The following CFAP65 variants were observed in gnomAD, a reference collection of about 807,000 sequenced individuals.
CFAP65 encodes the protein cilia and flagella associated protein 65, also known as cilia- and flagella-associated protein 65.
Under a neutral mutation model 208.0 loss-of-function variants are expected in CFAP65, and 155 were observed. The observed-to-expected ratio is 0.75, with a 90% CI of 0.65 to 0.85. The LOEUF is 0.85. Among genes scored for constraint, CFAP65 ranks in the 40% least tolerant of loss-of-function variants. The probability of loss-of-function intolerance (pLI) is 0.00; values close to 1 mark genes in which losing one functional copy is unlikely to be tolerated. For missense variants in CFAP65, 2,294 were observed against 2,451.3 expected (o/e 0.94, Z 1.36); for synonymous variants, 970 against 986.3 (o/e 0.98, Z 0.31).
intron 2 of CFAP65, among the ~76,000 whole-genome samples, 185 bp downstream of exon 2, chr2:219,040,334 C>T (rs1559170788): frequency 1.3e-5 from 2 of 152,286 alleles, no homozygotes; most frequent in African/African-American, 2.4e-5. Context: ...TTATCCCTCC[C>T]CCACCACCCA....
At chr2:219,022,055 T>TC in intron 17 of CFAP65, 116 bp downstream of exon 17, 3 of 1,499,872 alleles carry the variant, frequency 2.0e-6, no homozygotes, top group South Asian at 2.5e-5. Context: ...GGCAGAGGGC[T>TC]CCTATCCTCT....
rs1244389036 is a variant in CFAP65 at position 219,032,091 on chromosome 2, T to C, written c.645+379A>G. On this transcript the variant is annotated intron_variant, in intron 6 of 34. Coordinates refer to ENST00000341552, the MANE Select transcript of CFAP65 (RefSeq NM_194302.4). This position sits in a 1 kb window ranked among gnomAD's most constrained non-coding sequence, Gnocchi z 5.5. ...TGTGCCACCATGCCTGGTTAACTTT[T>C]GTATTTTTTAGTAGAGGTGGGGTTT... Among the ~76,000 whole-genome samples the C allele has an allele frequency of 2.6e-5, 4 of 152,058 alleles. No homozygotes were observed. The highest frequency in any genetic ancestry group is 9.7e-5 in the African/African-American group (4 of 41,406).
At chr2:219,008,779 C>T (rs1225686846) in intron 29 of CFAP65, among the ~76,000 whole-genome samples, 2 of 152,132 alleles carry the variant, frequency 1.3e-5, no homozygotes, top group Non-Finnish European at 2.9e-5. Flanking sequence ...TGCTTGTCTC[C>T]CCTAAATCTC....
chr2:219,027,443 C>T, intron 13 of CFAP65: 2 of 1,527,824 alleles, frequency 1.3e-6, no homozygotes, highest in South Asian at 1.2e-5. Flanking sequence ...GGGAGACTTA[C>T]ATAAGAATGA....
At chr2:219,007,188 T>C (rs1440271250) in intron 29 of CFAP65, among the ~76,000 whole-genome samples, 1 of 151,690 alleles carries the variant, frequency 6.6e-6, no homozygotes, top group Non-Finnish European at 1.5e-5. Context: ...CTTTGTTTTT[T>C]TTTTTGACAG....
Position 219,032,409 on chromosome 2 carries a change from C to A in CFAP65, c.645+61G>T. Reference sequence around the variant, plus strand: ...GCTCCTGGTTGCTCTGTCCTGTTTTCTGTTCTGAGGTCACTGCTCCCAGGT... The same window carrying A: ...GCTCCTGGTTGCTCTGTCCTGTTTTATGTTCTGAGGTCACTGCTCCCAGGT... On this transcript the variant is annotated intron_variant, in intron 6 of 34. Coordinates refer to ENST00000341552, the MANE Select transcript of CFAP65 (RefSeq NM_194302.4). The surrounding 1 kb of genome is among the most constrained non-coding windows in gnomAD (Gnocchi z 5.5). 1 of 1,452,608 alleles carries A rather than the reference C, an allele frequency of 6.9e-7. No individual in the cohort carries two copies. The allele number at this position is 1,452,608 out of a possible 1,614,324, so 90.0% of individuals were successfully genotyped here.
rs141089976 is a variant in CFAP65, at chr2:219,029,395, C to A, written c.1650+8G>T. On this transcript the variant is annotated splice_region_variant and intron_variant, in intron 11 of 34. Coordinates refer to ENST00000341552, the MANE Select transcript of CFAP65 (RefSeq NM_194302.4). ...CTCCCTCAGCCTCATGCCCTCCCCA[C>A]GACTCACCTGGTGGTGGATGAGACA... is the stretch of plus-strand genomic sequence containing the variant. 1.9e-6 allele frequency: 3 copies of A among 1,609,736 alleles called. No individual in the cohort carries two copies. Among genetic ancestry groups the A allele is most frequent in the South Asian group, 2.2e-5 (2 of 90,456 alleles).
chr2:219,026,229 C>A, intron 13 of CFAP65, 70 bp from the exon 14 acceptor site: 1 of 1,525,684 alleles, frequency 6.6e-7, no homozygotes, highest in Admixed American at 1.8e-5. Context: ...CCCATTTTGC[C>A]CCTCCTTGCC....
At chr2:219,028,664 G>A (rs963638094) in intron 11 of CFAP65, among the ~76,000 whole-genome samples, 1 of 152,046 alleles carries the variant, frequency 6.6e-6, no homozygotes. Context: ...CATGGCCCCT[G>A]GGCATTCTCC....
rs56411706 is a variant in CFAP65, at chr2:219,030,826, C to T, written c.1024G>A (p.Ala342Thr). The change falls in exon 9 of 35, where the codon GCC (alanine) becomes ACC (threonine). Residue 342 changes from alanine (A) to threonine (T), a missense_variant. Ala to Thr is a moderately conservative substitution (Grantham distance 58, BLOSUM62 0). This residue lies in a region of CFAP65 where 867 missense variants were observed against 1,012.6 expected (regional missense o/e 0.86). Transcript: ENST00000341552. Reference sequence around the variant, plus strand: ...TGCTTTATGCTCACCAGCAGCTGGGCGCACTTGGCTGGGGCAGAGATGGGG... The same window carrying T: ...TGCTTTATGCTCACCAGCAGCTGGGTGCACTTGGCTGGGGCAGAGATGGGG... ...SIQLQAVAKC[A>T]QLLVSIKHKC... 106 of 1,613,342 alleles carry T rather than the reference C, an allele frequency of 6.6e-5. No individual in the cohort carries two copies. Among genetic ancestry groups the T allele is most frequent in the Middle Eastern group, 1.6e-4 (1 of 6,080 alleles).
rs1398524088 is a variant in CFAP65, at chr2:219,029,837, G to A, written c.1384+149C>T. Reference sequence around the variant, plus strand: ...GGGACTGGGATCTCCAGGTAGTCACGGATGATTCCCCACAGGGCCACCAGG... The same window carrying A: ...GGGACTGGGATCTCCAGGTAGTCACAGATGATTCCCCACAGGGCCACCAGG... On this transcript the variant is annotated intron_variant, in intron 10 of 34. Coordinates refer to ENST00000341552, the MANE Select transcript of CFAP65 (RefSeq NM_194302.4). 24 of 1,130,538 alleles carry A rather than the reference G, an allele frequency of 2.1e-5. No individual in the cohort carries two copies. In the East Asian group the frequency reaches 3.3e-4, roughly 16 times the overall value. 70.0% of individuals were successfully genotyped at this position (1,130,538 alleles called of 1,614,324 possible). A position where few individuals can be genotyped will look rare whatever the true frequency, so the allele number is the denominator to read the frequency against.
chr2:219,040,947 CAG>C (rs1163958886), intron 1 of CFAP65, among the ~76,000 whole-genome samples: 6 of 142,574 alleles, frequency 4.2e-5, no homozygotes, highest in African/African-American at 1.6e-4. Flanking sequence ...TCGAATGAAA[CAG>C]AGGATTTGAA....
At chr2:219,018,060 C>A (rs971225872) in intron 21 of CFAP65, among the ~76,000 whole-genome samples, 5 of 152,294 alleles carry the variant, frequency 3.3e-5, no homozygotes, top group African/African-American at 1.2e-4. Context: ...ATGATGCAGA[C>A]CCCACCCCTC....
intron 4 of CFAP65, among the ~76,000 whole-genome samples, chr2:219,037,623 C>T (rs1033004179): frequency 8.5e-5 from 13 of 152,184 alleles, no homozygotes; most frequent in African/African-American, 2.4e-4. Flanking sequence ...AAGAGAAATG[C>T]CCTGGCTTCT....
Position 219,029,892 on chromosome 2 carries a change from T to G in CFAP65, c.1384+94A>C, listed in dbSNP as rs931466243. 13 of 1,281,868 alleles carry G rather than the reference T, an allele frequency of 1.0e-5. No individual in the cohort carries two copies. The Admixed American group carries it at 1.5e-4, about 15-fold the overall frequency. 79.4% of individuals were successfully genotyped at this position (1,281,868 alleles called of 1,614,324 possible). A position where few individuals can be genotyped will look rare whatever the true frequency, so the allele number is the denominator to read the frequency against. ...AGCAGACACCCAGGCTGAGGCAAGGTGGCCCCGCCTCCTAGGAGCAGGGAA... is the reference window on the plus strand; with the variant it reads ...AGCAGACACCCAGGCTGAGGCAAGGGGGCCCCGCCTCCTAGGAGCAGGGAA... On this transcript the variant is annotated intron_variant, in intron 10 of 34. Coordinates refer to ENST00000341552, the MANE Select transcript of CFAP65 (RefSeq NM_194302.4).
In CFAP65 at chr2:219,005,929, C is replaced by T. The variant is rs919755301; in HGVS notation, c.4922+92G>A. The T allele has an allele frequency of 6.2e-6, 8 of 1,291,082 alleles. No homozygotes were observed. In the African/African-American group the frequency reaches 8.8e-5, roughly 14 times the overall value. 80.0% of individuals were successfully genotyped at this position (1,291,082 alleles called of 1,614,324 possible). ...CTGCTGCTGCCCATGCTCCACCCCT[C>T]ACCATGGGTTGGGTCTGGGCAGCCC... On this transcript the variant is annotated intron_variant, in intron 31 of 34. Transcript: ENST00000341552.
Position 219,026,052 on chromosome 2 carries a change from G to A in CFAP65, c.2319C>T (p.His773=), listed in dbSNP as rs773490030. The A allele has an allele frequency of 6.2e-7, 1 of 1,614,166 alleles. No homozygotes were observed. The highest frequency in any genetic ancestry group is 8.5e-7 in the Non-Finnish European group (1 of 1,180,032). ...GHSYFAGFEH[H]IPQYSLDVPK... The stretch of plus-strand genomic sequence containing the variant: ...GGACATCTAGGGAATACTGGGGGAT[G>A]TGGTGCTCAAAGCCAGCGAAATAGC... Residue 773 remains histidine, a synonymous_variant, in exon 14 of 35, where the codon CAC becomes CAT. Transcript: ENST00000341552.
intron 1 of CFAP65, among the ~76,000 whole-genome samples, chr2:219,041,135 C>T (rs1234941220): frequency 1.3e-5 from 2 of 152,136 alleles, no homozygotes; most frequent in African/African-American, 4.8e-5. Context: ...ATTTCGAGGA[C>T]TTTAAAAAAT....
Position 219,030,755 on chromosome 2 carries a change from C to T in CFAP65, c.1095G>A (p.Leu365=), listed in dbSNP as rs762670621. 1 of 1,614,202 alleles carries T rather than the reference C, an allele frequency of 6.2e-7. No homozygotes were observed. Among genetic ancestry groups the T allele is most frequent in the Non-Finnish European group, 8.5e-7 (1 of 1,180,022 alleles). Residue 365 remains leucine (L), a synonymous_variant, in exon 9 of 35, where the codon TTG becomes TTA. Coordinates refer to ENST00000341552, the MANE Select transcript of CFAP65 (RefSeq NM_194302.4). ...AGCCCACAGCAACAGAGCCAAAGTACAACAGCTTCTGGAAGCCCTCGGCAT... is the reference window on the plus strand; with the variant it reads ...AGCCCACAGCAACAGAGCCAAAGTATAACAGCTTCTGGAAGCCCTCGGCAT... ...DQDAEGFQKL[L]YFGSVAVGCT...
Sources: allele counts gnomAD v4.1 joint callset (sites outside exome capture counted in the v4.1 genomes callset), GRCh38; gene constraint gnomAD v4.1.1; regional missense constraint gnomAD v4.1.1; non-coding constraint Gnocchi (gnomAD v3.1); transcripts MANE v1.5; gene names NCBI Gene and HGNC (gene_info 2026-07-23, HGNC 2026-07-21).